GABRG2: variants seen among roughly 807,000 people sequenced by gnomAD.
GABRG2 encodes gamma-aminobutyric acid receptor subunit gamma-2.
A neutral mutation model predicts 56.4 loss-of-function variants in GABRG2; 16 were observed. That is an observed-to-expected ratio of 0.28 (90% CI 0.19 to 0.43). The LOEUF is 0.43. Ranked by LOEUF, GABRG2 falls within the 20% of genes least tolerant of loss-of-function variation. The probability of loss-of-function intolerance (pLI) is 1.00; values close to 1 mark genes in which losing one functional copy is unlikely to be tolerated. For missense variants in GABRG2, 327 were observed against 582.7 expected (o/e 0.56, Z 4.52); for synonymous variants, 208 against 205.5 (o/e 1.01, Z -0.10).
At chr5:162,072,357 T>C (rs1337286742) in intron 1 of GABRG2, among the ~76,000 whole-genome samples, 4 of 152,000 alleles carry the variant, frequency 2.6e-5, no homozygotes, top group Non-Finnish European at 1.5e-5. Flanking sequence ...GAATTATACA[T>C]ACTTATCGTT....
rs566423669 is a variant in GABRG2 at position 162,117,936 on chromosome 5, C to T, written c.769+13910C>T. 2.4e-4 allele frequency among the ~76,000 whole-genome samples: 36 copies of T among 152,214 alleles called. No homozygotes were observed. In the South Asian group the frequency reaches 6.6e-3, roughly 28 times the overall value. On this transcript the variant is annotated intron_variant, in intron 6 of 9. Coordinates refer to ENST00000639213, the MANE Select transcript of GABRG2 (RefSeq NM_198904.4). ...AAGCCAACTTTTGTTGAGCATTTCA[C>T]ATATGAAAGACACCGTGTTACGCGC...
intron 7 of GABRG2, among the ~76,000 whole-genome samples, chr5:162,146,117 C>T (rs1581447214): frequency 6.6e-6 from 1 of 151,940 alleles, no homozygotes; most frequent in East Asian, 1.9e-4. Flanking sequence ...CTCAAACCTC[C>T]CTAAGGTTCT....
At chr5:162,085,994 T>G (rs1760071315) in intron 1 of GABRG2, among the ~76,000 whole-genome samples, 1 of 151,926 alleles carries the variant, frequency 6.6e-6, no homozygotes, top group Admixed American at 6.6e-5. Context: ...TGATGGGCAT[T>G]TAGGTTGATT....
intron 6 of GABRG2, among the ~76,000 whole-genome samples, chr5:162,120,508 G>A (rs1045146836): frequency 2.0e-5 from 3 of 152,054 alleles, no homozygotes; most frequent in African/African-American, 7.2e-5. Flanking sequence ...TAGGACTCAA[G>A]AACTATAGCT....
intron 2 of GABRG2, 83 bp downstream of exon 2, chr5:162,094,062 C>A (rs942806768): frequency 2.2e-5 from 31 of 1,429,910 alleles, no homozygotes; most frequent in Middle Eastern, 1.8e-4. Context: ...CAGTGTAGTT[C>A]AAGAGCAAGG....
intron 8 of GABRG2, chr5:162,151,498 G>C (rs1435731384): frequency 2.0e-6 from 1 of 489,288 alleles, no homozygotes; most frequent in African/African-American, 2.0e-5. Context: ...AGTAATTGTA[G>C]ATTAATTTAT....
At chr5:162,070,308 A>G (rs1758570570) in intron 1 of GABRG2, among the ~76,000 whole-genome samples, 1 of 152,030 alleles carries the variant, frequency 6.6e-6, no homozygotes, top group Non-Finnish European at 1.5e-5. Flanking sequence ...TGGTGCAGAG[A>G]ATGTGATCAG....
intron 4 of GABRG2, 54 bp from the exon 5 acceptor site, chr5:162,101,181 A>T: frequency 8.2e-7 from 1 of 1,213,846 alleles, no homozygotes; most frequent in Non-Finnish European, 1.2e-6. Context: ...GTGCAAATTT[A>T]CAATTTAAAA....
At chr5:162,102,722 G>T in intron 5 of GABRG2, 1 of 395,452 alleles carries the variant, frequency 2.5e-6, no homozygotes, top group Non-Finnish European at 5.1e-6. Flanking sequence ...GTAGAGATGG[G>T]GCGTCGCCAT....
At chr5:162,093,437 C>G (rs182845459) in intron 1 of GABRG2, among the ~76,000 whole-genome samples, 2 of 152,048 alleles carry the variant, frequency 1.3e-5, no homozygotes, top group Non-Finnish European at 2.9e-5. Flanking sequence ...GTGAACTCCT[C>G]AAAGAAGGAA....
At chr5:162,077,759 T>C (rs566463213) in intron 1 of GABRG2, among the ~76,000 whole-genome samples, 1 of 152,296 alleles carries the variant, frequency 6.6e-6, no homozygotes, top group African/African-American at 2.4e-5. Context: ...TCTCGTAAGA[T>C]TGCAGTCAAG....
At chr5:162,072,868 C>T (rs11950672) in intron 1 of GABRG2, among the ~76,000 whole-genome samples, 1,960 of 151,782 alleles carry the variant, frequency 0.013, 56 homozygotes, top group African/African-American at 0.045. Context: ...TATAAGTAAA[C>T]ATGTATACAT....
In GABRG2 at chr5:162,068,035, A is replaced by T. The variant is rs762058667; in HGVS notation, c.36A>T (p.Ser12=). The change falls in exon 1 of 10, where the codon TCA becomes TCT. Residue 12 remains serine, a synonymous_variant. Coordinates refer to ENST00000639213, the MANE Select transcript of GABRG2 (RefSeq NM_198904.4). ...SSPNIWSTGS[S]VYSTPVFSQK... is the part of the protein sequence containing the mutation. ...CAAATATATGGAGCACAGGAAGCTC[A>T]GTCTACTCGACTCCTGTATTTTCAC... 39 of 1,612,834 alleles carry T rather than the reference A, an allele frequency of 2.4e-5. No individual in the cohort carries two copies. Among genetic ancestry groups the T allele is most frequent in the Admixed American group, 1.3e-4 (8 of 59,922 alleles).
chr5:162,137,435 A>G (rs763941582), intron 6 of GABRG2, among the ~76,000 whole-genome samples: 33 of 152,176 alleles, frequency 2.2e-4, no homozygotes, highest in Non-Finnish European at 3.7e-4. Context: ...TTTTTCCTCA[A>G]TCTGACAGGC....
rs1292624420 is a variant in GABRG2, at chr5:162,153,981, A to G, written c.*613A>G. The stretch of plus-strand genomic sequence containing the variant: ...TTTAGATCCAAAATAAATGGACTGA[A>G]GTTATCATCCTATTGTCTTTTATTT... On this transcript the variant is annotated 3_prime_UTR_variant, in exon 10 of 10. Coordinates refer to ENST00000639213, the MANE Select transcript of GABRG2 (RefSeq NM_198904.4). The G allele has an allele frequency of 1.3e-5, 2 of 154,012 alleles. No homozygotes were observed. Among genetic ancestry groups the G allele is most frequent in the Admixed American group, 1.3e-4 (2 of 15,510 alleles). The allele number at this position is 154,012 out of a possible 1,614,324, so 9.5% of individuals were successfully genotyped here. A position where few individuals can be genotyped will look rare whatever the true frequency, so the allele number is the denominator to read the frequency against.
At chr5:162,110,353 C>T (rs1309911973) in intron 6 of GABRG2, among the ~76,000 whole-genome samples, 1 of 152,040 alleles carries the variant, frequency 6.6e-6, no homozygotes, top group Admixed American at 6.6e-5. Context: ...TATGTTACAC[C>T]TATCCCAAAG....
At chr5:162,105,043 T>G (rs1761699051) in intron 6 of GABRG2, among the ~76,000 whole-genome samples, 1 of 152,256 alleles carries the variant, frequency 6.6e-6, no homozygotes, top group South Asian at 2.1e-4. Context: ...AGATGTCATT[T>G]GAAGCATATT....
intron 6 of GABRG2, among the ~76,000 whole-genome samples, chr5:162,131,777 G>A (rs557610259): frequency 1.1e-4 from 16 of 152,010 alleles, no homozygotes; most frequent in African/African-American, 3.4e-4. Context: ...CCCAGTGTTC[G>A]TACTGCCCTT....
intron 6 of GABRG2, among the ~76,000 whole-genome samples, chr5:162,104,607 A>G (rs925869080): frequency 2.0e-5 from 3 of 152,186 alleles, no homozygotes; most frequent in Non-Finnish European, 4.4e-5. Context: ...ATTAAAAAAA[A>G]TTGCATCACA....
Sources: gnomAD v4.1 joint callset for allele counts (sites outside exome capture counted in the v4.1 genomes callset) on GRCh38, gnomAD v4.1.1 for gene constraint, MANE v1.5 for transcripts, NCBI Gene and HGNC (gene_info 2026-07-23, HGNC 2026-07-21) for gene names.